CCSER1: variants seen among roughly 807,000 people sequenced by gnomAD.
The protein encoded by CCSER1 is serine-rich coiled-coil domain-containing protein 1.
A neutral mutation model predicts 82.0 loss-of-function variants in CCSER1; 41 were observed. The ratio of observed to expected loss-of-function variants is 0.50; its 90% CI spans 0.39 to 0.65. The LOEUF is 0.65. Among genes scored for constraint, CCSER1 ranks in the 30% least tolerant of loss-of-function variants. CCSER1 has a pLI of 0.00. For missense variants in CCSER1, 1,119 were observed against 1,064.2 expected, an observed-to-expected ratio of 1.05 and a Z score of -0.72; for synonymous variants, 414 against 383.9, an observed-to-expected ratio of 1.08 and a Z score of -0.92.
rs1325102915 is a variant in CCSER1, at chr4:91,599,587, G to C, written c.*530G>C. 1 of 152,192 alleles carries C rather than the reference G, an allele frequency of 6.6e-6. No homozygotes were observed. The highest frequency in any genetic ancestry group is 1.5e-5 in the Non-Finnish European group (1 of 68,088). The allele number at this position is 152,192 out of a possible 1,614,324, so 9.4% of individuals were successfully genotyped here. A position where few individuals can be genotyped will look rare whatever the true frequency, so the allele number is the denominator to read the frequency against. The stretch of plus-strand genomic sequence containing the variant: ...GTGGCTTGCTTGCATGTAACCTAGA[G>C]ATGTGTTTGTCTCTATTACATACAT... On this transcript the variant is annotated 3_prime_UTR_variant, in exon 11 of 11. Transcript: ENST00000509176.
intron 8 of CCSER1, among the ~76,000 whole-genome samples, 191 bp from the exon 9 acceptor site, chr4:90,923,179 G>T (rs529267849): frequency 1.3e-5 from 2 of 152,268 alleles, no homozygotes; most frequent in East Asian, 3.9e-4. Flanking sequence ...GATGCTTAAG[G>T]TGGGACAGTT....
intron 6 of CCSER1, among the ~76,000 whole-genome samples, chr4:90,700,735 A>G (rs1737907385): frequency 6.6e-6 from 1 of 152,174 alleles, no homozygotes; most frequent in Non-Finnish European, 1.5e-5. Flanking sequence ...TTCTCTGATG[A>G]CCAGTGATGA....
chr4:90,155,729 C>T (rs1727994694), intron 1 of CCSER1, among the ~76,000 whole-genome samples: 1 of 152,156 alleles, frequency 6.6e-6, no homozygotes, highest in Non-Finnish European at 1.5e-5. Context: ...TCCCCTTTAT[C>T]ATTTTTTATT....
At chr4:90,912,513 G>A (rs1237510201) in intron 8 of CCSER1, among the ~76,000 whole-genome samples, 1 of 152,032 alleles carries the variant, frequency 6.6e-6, no homozygotes, top group Non-Finnish European at 1.5e-5. Flanking sequence ...AAGACAAAAG[G>A]TATATAAAAC....
At chr4:90,547,332 A>G (rs531453593) in intron 5 of CCSER1, among the ~76,000 whole-genome samples, 2 of 152,122 alleles carry the variant, frequency 1.3e-5, no homozygotes, top group South Asian at 4.1e-4. Flanking sequence ...AACTGTTTCT[A>G]TTAGAAATGC....
At chr4:91,246,773 C>T (rs1317550901) in intron 10 of CCSER1, among the ~76,000 whole-genome samples, 1 of 151,208 alleles carries the variant, frequency 6.6e-6, no homozygotes, top group Non-Finnish European at 1.5e-5. Flanking sequence ...GTATATACAA[C>T]TACTGTGTAC....
At chr4:91,013,340 A>G (rs1739151443) in intron 9 of CCSER1, among the ~76,000 whole-genome samples, 1 of 133,338 alleles carries the variant, frequency 7.5e-6, no homozygotes, top group Non-Finnish European at 1.7e-5. Flanking sequence ...CCACCTTTGT[A>G]TAGTCTCGGC....
At chr4:91,122,807 A>G (rs1243322561) in intron 10 of CCSER1, among the ~76,000 whole-genome samples, 1 of 151,742 alleles carries the variant, frequency 6.6e-6, no homozygotes, top group East Asian at 1.9e-4. Flanking sequence ...CACAATGCCT[A>G]CCTCTCCTGA....
intron 5 of CCSER1, among the ~76,000 whole-genome samples, chr4:90,489,712 C>T (rs10033848): frequency 3.0e-3 from 451 of 152,234 alleles, no homozygotes; most frequent in African/African-American, 0.011. Context: ...TGATGTTCCC[C>T]TTCCTGTGTC....
chr4:91,185,991 C>T (rs1286492854), intron 10 of CCSER1, among the ~76,000 whole-genome samples: 1 of 152,136 alleles, frequency 6.6e-6, no homozygotes, highest in Non-Finnish European at 1.5e-5. Context: ...CATAATATTT[C>T]CCTGTTGATC....
At chr4:91,546,329 T>C (rs1761887204) in intron 10 of CCSER1, among the ~76,000 whole-genome samples, 2 of 152,120 alleles carry the variant, frequency 1.3e-5, no homozygotes, top group South Asian at 2.1e-4. Context: ...GAAGAAATTA[T>C]AGATAATTGG....
intron 9 of CCSER1, among the ~76,000 whole-genome samples, chr4:91,046,786 C>T (rs1371807444): frequency 1.3e-5 from 2 of 151,936 alleles, no homozygotes; most frequent in African/African-American, 4.8e-5. Context: ...GGCACGATCT[C>T]GGCTCACTAC....
intron 9 of CCSER1, among the ~76,000 whole-genome samples, chr4:90,933,274 A>G (rs528937773): frequency 0.026 from 3,848 of 147,542 alleles, 172 homozygotes; most frequent in African/African-American, 0.089. Flanking sequence ...TGCAATCTCC[A>G]CCTCCCGGGT....
chr4:90,861,827 A>T (rs72663670), intron 8 of CCSER1, among the ~76,000 whole-genome samples: 10,797 of 151,022 alleles, frequency 0.071, 495 homozygotes, highest in Admixed American at 0.13. Flanking sequence ...AGAAAATGAG[A>T]TTAAATGTAA....
At chr4:91,517,492 T>C (rs561884130) in intron 10 of CCSER1, among the ~76,000 whole-genome samples, 74 of 152,332 alleles carry the variant, frequency 4.9e-4, no homozygotes, top group African/African-American at 1.7e-3. Flanking sequence ...ATTTGTACAC[T>C]CAGCTGTTTT....
intron 5 of CCSER1, among the ~76,000 whole-genome samples, chr4:90,496,463 G>C (rs1769019086): frequency 6.6e-6 from 1 of 152,026 alleles, no homozygotes; most frequent in East Asian, 1.9e-4. Context: ...ACATTTCACT[G>C]TTTATAAAAG....
intron 10 of CCSER1, among the ~76,000 whole-genome samples, chr4:91,086,837 C>A (rs1723444154): frequency 6.6e-6 from 1 of 151,888 alleles, no homozygotes; most frequent in African/African-American, 2.4e-5. Flanking sequence ...CATTTTAGTT[C>A]CTAGTGAATT....
rs1379986234 is a variant in CCSER1, at chr4:90,261,223, C to G, written c.-41-47021C>G. On this transcript the variant is annotated intron_variant, in intron 1 of 10. Transcript: ENST00000509176. ...GTGAGCTTAATGCTTTCAGGAGGTT[C>G]TATTTTGGTGCACATTGAGCTTTTG... Among the ~76,000 whole-genome samples the G allele has an allele frequency of 4.0e-5, 6 of 151,064 alleles. No individual in the cohort carries two copies. In the South Asian group the frequency reaches 1.0e-3, roughly 26 times the overall value.
chr4:91,056,481 A>C (rs1266049133), intron 9 of CCSER1, among the ~76,000 whole-genome samples: 2 of 152,124 alleles, frequency 1.3e-5, no homozygotes, highest in East Asian at 3.9e-4. Context: ...GAAGGGCAAA[A>C]GAAACCAAAT....
Sources: gnomAD v4.1 joint callset for allele counts (sites outside exome capture counted in the v4.1 genomes callset) on GRCh38, gnomAD v4.1.1 for gene constraint, MANE v1.5 for transcripts, NCBI Gene and HGNC (gene_info 2026-07-23, HGNC 2026-07-21) for gene names.